BST1: variants seen among roughly 807,000 people sequenced by gnomAD.
The protein encoded by BST1 is bone marrow stromal cell antigen 1, also known as ADP-ribosyl cyclase/cyclic ADP-ribose hydrolase 2.
Under a neutral mutation model 40.6 loss-of-function variants are expected in BST1, and 49 were observed. The ratio of observed to expected loss-of-function variants is 1.21; its 90% CI spans 0.96 to 1.53. The LOEUF (loss-of-function observed/expected upper bound fraction) is 1.53. Ranked by LOEUF, BST1 falls within the 40% of genes most tolerant of loss-of-function variation. The probability of loss-of-function intolerance (pLI) is 0.00; values close to 1 mark genes in which losing one functional copy is unlikely to be tolerated. For synonymous variants in BST1, 157 were observed against 159.3 expected, an observed-to-expected ratio of 0.99 and a Z score of 0.11; for missense variants, 423 against 395.9, an observed-to-expected ratio of 1.07 and a Z score of -0.58.
chr4:15,735,608 G>A (rs1261207400), downstream of BST1, among the ~76,000 whole-genome samples: 1 of 152,146 alleles, frequency 6.6e-6, no homozygotes, highest in African/African-American at 2.4e-5. Flanking sequence ...AAGACTTTTG[G>A]GTACTTAGAG....
chr4:15,747,672 T>TTATG, the BST1 span, among the ~76,000 whole-genome samples: 1 of 152,096 alleles, frequency 6.6e-6, no homozygotes, highest in African/African-American at 2.4e-5. Context: ...TTAAAAACAT[T>TTATG]TATTTATTTA....
downstream of BST1, among the ~76,000 whole-genome samples, chr4:15,734,505 T>C (rs1009327400): frequency 8.5e-5 from 13 of 152,078 alleles, no homozygotes; most frequent in African/African-American, 2.9e-4. Context: ...ATTCTCAAAA[T>C]TGTCTCCTCC....
chr4:15,736,390 T>G (rs1163926561), downstream of BST1, among the ~76,000 whole-genome samples: 3 of 151,992 alleles, frequency 2.0e-5, no homozygotes, highest in Non-Finnish European at 4.4e-5. Context: ...GAGGCCAAGG[T>G]GGGCAGATCA....
At chr4:15,740,222 T>G (rs1273840643), downstream of BST1, among the ~76,000 whole-genome samples, 2 of 152,164 alleles carry the variant, frequency 1.3e-5, no homozygotes, top group East Asian at 3.9e-4. Context: ...CCTGGCTAAT[T>G]TTTTGTATTC....
rs1230868295 is a variant in BST1 at position 15,718,890 on chromosome 4, A to G, written c.705-17A>G. 5 of 1,607,134 alleles carry G rather than the reference A, an allele frequency of 3.1e-6. No homozygotes were observed. Among genetic ancestry groups the G allele is most frequent in the South Asian group, 2.2e-5 (2 of 90,304 alleles). ...TCTTATTTGCTTACTTTTTAATTATATATTTTCATGTTTTAGGGAATCCTG... is the reference window on the plus strand; with the variant it reads ...TCTTATTTGCTTACTTTTTAATTATGTATTTTCATGTTTTAGGGAATCCTG... On this transcript the variant is annotated splice_polypyrimidine_tract_variant and intron_variant, in intron 6 of 8. Coordinates refer to ENST00000265016, the MANE Select transcript of BST1 (RefSeq NM_004334.3).
chr4:15,754,477 G>A, the BST1 span, among the ~76,000 whole-genome samples: 1 of 152,188 alleles, frequency 6.6e-6, no homozygotes, highest in Non-Finnish European at 1.5e-5. Context: ...AGCTGGCTGT[G>A]AACTCAGTGC....
At chr4:15,727,559 A>C (rs1324924387) in intron 8 of BST1, among the ~76,000 whole-genome samples, 2 of 152,234 alleles carry the variant, frequency 1.3e-5, no homozygotes, top group African/African-American at 4.8e-5. Flanking sequence ...AAACAAATTC[A>C]ACAAGGTGTC....
the BST1 span, among the ~76,000 whole-genome samples, chr4:15,752,704 GC>G: frequency 3.3e-5 from 5 of 152,156 alleles, no homozygotes; most frequent in Non-Finnish European, 5.9e-5. Flanking sequence ...AGAAGCAAAG[GC>G]CCCGTGGTAG....
chr4:15,703,287 T>C lies in BST1; in HGVS notation c.143T>C (p.Leu48Pro), dbSNP rs375955431. 2.6e-5 allele frequency: 40 copies of C among 1,533,650 alleles called. No individual in the cohort carries two copies. In the African/African-American group the frequency reaches 2.8e-4, roughly 11 times the overall value. The change falls in exon 1 of 9, where the codon CTG (leucine) becomes CCG (proline). Residue 48 changes from leucine to proline, a missense_variant. Coordinates refer to ENST00000265016, the MANE Select transcript of BST1 (RefSeq NM_004334.3). ...GTSAHLRDIFLGRCAEYRALL... is the reference protein window; with the variant it reads ...GTSAHLRDIFPGRCAEYRALL... ...AGCGCACACTTGCGGGACATCTTCC[T>C]GGGCCGCTGCGCCGAGTACCGCGCA...
chr4:15,728,949 T>C (rs914031499), intron 8 of BST1, among the ~76,000 whole-genome samples: 5 of 152,118 alleles, frequency 3.3e-5, no homozygotes, highest in Non-Finnish European at 7.4e-5. Context: ...CTCAGCCAAG[T>C]AACTGATTTT....
intron 8 of BST1, among the ~76,000 whole-genome samples, chr4:15,726,731 T>C (rs893214602): frequency 3.9e-5 from 6 of 152,164 alleles, no homozygotes; most frequent in Non-Finnish European, 7.3e-5. Flanking sequence ...AATTCCTTGT[T>C]GTAAAACCCA....
the BST1 span, among the ~76,000 whole-genome samples, chr4:15,750,611 A>G: frequency 6.6e-6 from 1 of 152,220 alleles, no homozygotes. Context: ...TGAGTATTTG[A>G]GATGTGGCTA....
chr4:15,760,233 G>A, the BST1 span, among the ~76,000 whole-genome samples: 1 of 150,934 alleles, frequency 6.6e-6, no homozygotes. Flanking sequence ...TTTGAGGTAC[G>A]TCCATGTTGT....
the BST1 span, among the ~76,000 whole-genome samples, chr4:15,758,282 C>T: frequency 1.3e-5 from 2 of 152,016 alleles, no homozygotes; most frequent in Non-Finnish European, 1.5e-5. Flanking sequence ...GTTTTTCAGC[C>T]GTCCCTCCCC....
downstream of BST1, chr4:15,736,153 T>G: frequency 7.8e-7 from 1 of 1,279,866 alleles, no homozygotes; most frequent in Non-Finnish European, 1.0e-6. Flanking sequence ...GTTTCAAACA[T>G]ATCATTGCCT....
chr4:15,710,243 G>A (rs1720117604), intron 3 of BST1, among the ~76,000 whole-genome samples: 1 of 151,872 alleles, frequency 6.6e-6, no homozygotes, highest in Non-Finnish European at 1.5e-5. Context: ...CAAAGCACTG[G>A]CATTACAGGC....
downstream of BST1, among the ~76,000 whole-genome samples, chr4:15,740,752 G>A (rs559930480): frequency 1.3e-5 from 2 of 152,216 alleles, 1 homozygote; most frequent in African/African-American, 4.8e-5. Context: ...AGCAGCAACA[G>A]AGGCTGGAGC....
downstream of BST1, among the ~76,000 whole-genome samples, chr4:15,742,964 G>A (rs1193600671): frequency 6.6e-6 from 1 of 152,194 alleles, no homozygotes; most frequent in African/African-American, 2.4e-5. Flanking sequence ...GAGATGGGAT[G>A]GAAAGAAAAC....
At chr4:15,705,469 T>C (rs775253835) in intron 1 of BST1, 46 bp from the exon 2 acceptor site, 8 of 1,525,518 alleles carry the variant, frequency 5.2e-6, no homozygotes, top group Admixed American at 2.2e-5. Flanking sequence ...CACAACACAT[T>C]ATGATGTGCA....
Sources: gnomAD v4.1 joint callset for allele counts (sites outside exome capture counted in the v4.1 genomes callset) on GRCh38, gnomAD v4.1.1 for gene constraint, MANE v1.5 for transcripts, NCBI Gene and HGNC (gene_info 2026-07-23, HGNC 2026-07-21) for gene names.